HMGCLL1: variants seen among roughly 807,000 people sequenced by gnomAD.
The protein encoded by HMGCLL1 is 3-hydroxy-3-methylglutaryl-CoA lyase like 1.
Under a neutral mutation model 39.1 loss-of-function variants are expected in HMGCLL1, and 36 were observed. The observed-to-expected ratio is 0.92, with a 90% CI of 0.71 to 1.22. The LOEUF is 1.22. Ranked by LOEUF, HMGCLL1 falls within the 50% of genes most tolerant of loss-of-function variation. The pLI, the probability that HMGCLL1 is intolerant of heterozygous loss-of-function variation, is 0.00. For synonymous variants in HMGCLL1, 149 were observed against 144.0 expected, an observed-to-expected ratio of 1.03 and a Z score of -0.25; for missense variants, 451 against 416.5, an observed-to-expected ratio of 1.08 and a Z score of -0.72.
chr6:55,446,820 A>C (rs1250452754), intron 7 of HMGCLL1, among the ~76,000 whole-genome samples: 3 of 152,034 alleles, frequency 2.0e-5, no homozygotes, highest in Non-Finnish European at 4.4e-5. Flanking sequence ...ATATTTTATG[A>C]AACCTAAAAT....
the HMGCLL1 span, among the ~76,000 whole-genome samples, chr6:55,622,924 G>C: frequency 6.6e-6 from 1 of 151,942 alleles, no homozygotes; most frequent in Non-Finnish European, 1.5e-5. Context: ...TTTTATTATG[G>C]CTTTGATCTC....
intron 1 of HMGCLL1, among the ~76,000 whole-genome samples, chr6:55,561,646 T>C (rs1157729356): frequency 3.3e-5 from 5 of 152,116 alleles, no homozygotes; most frequent in Non-Finnish European, 7.4e-5. Flanking sequence ...AAAAAGTATA[T>C]GATTATGTCT....
chr6:55,644,460 G>T, the HMGCLL1 span, among the ~76,000 whole-genome samples: 1 of 151,964 alleles, frequency 6.6e-6, no homozygotes, highest in African/African-American at 2.4e-5. Flanking sequence ...TATTATTCAA[G>T]AAATTTTTGC....
At chr6:55,533,447 C>T (rs558469786) in intron 3 of HMGCLL1, among the ~76,000 whole-genome samples, 3 of 152,192 alleles carry the variant, frequency 2.0e-5, no homozygotes, top group Non-Finnish European at 4.4e-5. Flanking sequence ...AATCTAATTG[C>T]TACTTTTCAT....
At chr6:55,524,618 CACAA>C (rs1402912440) in intron 3 of HMGCLL1, among the ~76,000 whole-genome samples, 1 of 151,874 alleles carries the variant, frequency 6.6e-6, no homozygotes, top group Non-Finnish European at 1.5e-5. Context: ...TTAGCAAGAG[CACAA>C]ACAGTTGCTT....
chr6:55,604,167 C>A, the HMGCLL1 span, among the ~76,000 whole-genome samples: 1 of 152,088 alleles, frequency 6.6e-6, no homozygotes, highest in African/African-American at 2.4e-5. Context: ...GCAGGCTTCA[C>A]CCCTAGTGAA....
At chr6:55,566,363 C>T (rs1771210865) in intron 1 of HMGCLL1, 3 of 233,038 alleles carry the variant, frequency 1.3e-5, no homozygotes, top group East Asian at 9.5e-5. Context: ...TTATGAAATG[C>T]AGATTTCATA....
the HMGCLL1 span, among the ~76,000 whole-genome samples, chr6:55,644,421 G>A: frequency 6.6e-6 from 1 of 151,814 alleles, no homozygotes; most frequent in Non-Finnish European, 1.5e-5. Flanking sequence ...GTTTGTCCAT[G>A]TTTGCCTTGA....
chr6:55,642,855 T>C, the HMGCLL1 span, among the ~76,000 whole-genome samples: 1 of 152,114 alleles, frequency 6.6e-6, no homozygotes, highest in African/African-American at 2.4e-5. Flanking sequence ...TATGTACTCA[T>C]CATTTAGCAC....
chr6:55,638,903 G>C, the HMGCLL1 span, among the ~76,000 whole-genome samples: 2 of 152,164 alleles, frequency 1.3e-5, no homozygotes, highest in South Asian at 4.2e-4. Flanking sequence ...TATACCATAT[G>C]GTTCTAAATA....
At chr6:55,525,070 C>T (rs1342851717) in intron 3 of HMGCLL1, among the ~76,000 whole-genome samples, 1 of 150,792 alleles carries the variant, frequency 6.6e-6, no homozygotes, top group Admixed American at 6.6e-5. Context: ...TCTTCCTGAC[C>T]CCAGCAACTT....
intron 3 of HMGCLL1, among the ~76,000 whole-genome samples, chr6:55,528,488 T>G (rs4320370): frequency 0.38 from 57,702 of 151,706 alleles, 12,383 homozygotes; most frequent in East Asian, 0.52. Context: ...ACAGTAACCC[T>G]GTCTCATTCA....
intron 5 of HMGCLL1, among the ~76,000 whole-genome samples, chr6:55,505,064 T>C (rs932447274): frequency 2.0e-5 from 3 of 151,686 alleles, no homozygotes; most frequent in Non-Finnish European, 4.4e-5. Flanking sequence ...GTTTTATTTG[T>C]ATTTGTGCTT....
the HMGCLL1 span, among the ~76,000 whole-genome samples, chr6:55,594,821 T>C: frequency 6.6e-6 from 1 of 152,132 alleles, no homozygotes; most frequent in Non-Finnish European, 1.5e-5. Flanking sequence ...ACGAATCCTC[T>C]TAGTCAGAGG....
the HMGCLL1 span, among the ~76,000 whole-genome samples, chr6:55,652,630 T>C: frequency 1.3e-5 from 2 of 152,112 alleles, no homozygotes; most frequent in African/African-American, 4.8e-5. Context: ...GTGATGTCCA[T>C]GTTCTGCAGT....
chr6:55,477,153 T>A (rs139176254), intron 7 of HMGCLL1, among the ~76,000 whole-genome samples: 1,085 of 59,554 alleles, frequency 0.018, 71 homozygotes, highest in Non-Finnish European at 0.028. Context: ...AATATATATA[T>A]TATATATTAT....
chr6:55,448,734 G>A (rs1236512806), intron 7 of HMGCLL1, among the ~76,000 whole-genome samples: 1 of 151,872 alleles, frequency 6.6e-6, no homozygotes, highest in Non-Finnish European at 1.5e-5. Context: ...CTAACATCTT[G>A]GCATAAAATA....
At position 55,577,230 on chromosome 6, in the gene HMGCLL1, G is replaced by A. The variant is rs546556300; in HGVS notation, c.108+1718C>T. The A allele has an allele frequency of 1.4e-4, 216 of 1,493,244 alleles. No homozygotes were observed. In the African/African-American group the frequency reaches 3.0e-3, roughly 21 times the overall value. 92.5% of individuals were successfully genotyped at this position (1,493,244 alleles called of 1,614,324 possible). A position where few individuals can be genotyped will look rare whatever the true frequency, so the allele number is the denominator to read the frequency against. On this transcript the variant is annotated intron_variant, in intron 1 of 8. Coordinates refer to ENST00000274901, the MANE Select transcript of HMGCLL1 (RefSeq NM_001042406.2). ...TTAGTGCTGCTGTGAGTTCAATTAC[G>A]ATAAGATAGAAAAAATCACAATTCA... is the stretch of plus-strand genomic sequence containing the variant.
intron 1 of HMGCLL1, among the ~76,000 whole-genome samples, chr6:55,561,875 G>A (rs1770965970): frequency 6.6e-6 from 1 of 151,790 alleles, no homozygotes; most frequent in Non-Finnish European, 1.5e-5. Flanking sequence ...TCTTCACTTG[G>A]ACCATTCCAG....
Sources: gnomAD v4.1 joint callset for allele counts (sites outside exome capture counted in the v4.1 genomes callset) on GRCh38, gnomAD v4.1.1 for gene constraint, MANE v1.5 for transcripts, NCBI Gene and HGNC (gene_info 2026-07-23, HGNC 2026-07-21) for gene names.